Variants in UBE2O observed in about 807,000 individuals in gnomAD.
UBE2O encodes the protein ubiquitin conjugating enzyme E2 O, also known as (E3-independent) E2 ubiquitin-conjugating enzyme.
Under a neutral mutation model 125.8 loss-of-function variants are expected in UBE2O, and 15 were observed. That is an observed-to-expected ratio of 0.12 (90% CI 0.08 to 0.18). UBE2O has a LOEUF of 0.18. Ranked by LOEUF, UBE2O falls within the 10% of genes least tolerant of loss-of-function variation. The pLI is 1.00. For synonymous variants in UBE2O, 708 were observed against 703.2 expected, an observed-to-expected ratio of 1.01 and a Z score of -0.11; for missense variants, 1,280 against 1,723.6, an observed-to-expected ratio of 0.74 and a Z score of 4.56.
chr17:76,423,603 A>C (rs74177010), intron 1 of UBE2O, among the ~76,000 whole-genome samples: 3 of 150,320 alleles, frequency 2.0e-5, no homozygotes, highest in Non-Finnish European at 4.4e-5. Flanking sequence ...TGAGGCAGGA[A>C]AATCGCTTGA....
At chr17:76,428,419 T>C (rs1428969177) in intron 1 of UBE2O, among the ~76,000 whole-genome samples, 2 of 152,256 alleles carry the variant, frequency 1.3e-5, no homozygotes, top group African/African-American at 2.4e-5. Context: ...CTGGGAGCCT[T>C]CGTCAACTTC....
rs374073452 is a variant in UBE2O, at chr17:76,402,160, A to G, written c.687-33T>C. ...AGAGAACAGAGGTTTGGTCTCCACC[A>G]GGGGACACAGTGAGTACCAAAAAGT... On this transcript the variant is annotated intron_variant, in intron 4 of 17. Coordinates refer to ENST00000319380, the MANE Select transcript of UBE2O (RefSeq NM_022066.4). This position sits in a 1 kb window ranked among gnomAD's most constrained non-coding sequence, Gnocchi z 5.4. The G allele has an allele frequency of 1.7e-4, 270 of 1,608,436 alleles. No individual in the cohort carries two copies. The highest frequency in any genetic ancestry group is 2.1e-4 in the Non-Finnish European group (248 of 1,177,286).
Position 76,401,065 on chromosome 17 carries a change from T to C in UBE2O, c.840A>G (p.Ser280=). ...AKIFSSVQWL[S]GVKPVLSTKS... is the part of the protein sequence containing the mutation. ...TGGTGCTGAGCACGGGCTTGACACC[T>C]GACAGCCACTGGACGCTGGAGAAGA... Residue 280 remains serine (S), a synonymous_variant, in exon 6 of 18, where the codon TCA becomes TCG. Coordinates refer to ENST00000319380, the MANE Select transcript of UBE2O (RefSeq NM_022066.4). The C allele has an allele frequency of 6.2e-6, 10 of 1,613,802 alleles. No individual in the cohort carries two copies. Among genetic ancestry groups the C allele is most frequent in the South Asian group, 1.1e-5 (1 of 91,086 alleles).
Position 76,391,093 on chromosome 17 carries a change from G to A in UBE2O, c.3729C>T (p.Ser1243=), listed in dbSNP as rs1054540164. ...KPKKRRKSYR[S]FLPEKSGYPD... ...GGTAGCCACTCTTCTCAGGTAAGAA[G>A]CTCCGGTAGCTCTTTCTCCGCTTCT... The change falls in exon 18 of 18, where the codon AGC becomes AGT. Residue 1243 remains serine (S), a synonymous_variant. Coordinates refer to ENST00000319380, the MANE Select transcript of UBE2O (RefSeq NM_022066.4). This position sits in a 1 kb window ranked among gnomAD's most constrained non-coding sequence, Gnocchi z 8.4. 1.2e-5 allele frequency: 20 copies of A among 1,614,038 alleles called. No individual in the cohort carries two copies. Among genetic ancestry groups the A allele is most frequent in the Non-Finnish European group, 1.7e-5 (20 of 1,180,044 alleles).
chr17:76,392,249 C>A (rs1006645842), intron 15 of UBE2O, 136 bp from the exon 16 acceptor site: 4 of 537,512 alleles, frequency 7.4e-6, no homozygotes, highest in Non-Finnish European at 1.3e-5. Flanking sequence ...ACCTGGGACT[C>A]CAGATGCCAC....
chr17:76,396,305 TCTC>T lies in UBE2O; in HGVS notation c.2629_2631del (p.Glu877del). 1.9e-6 allele frequency: 3 copies of T among 1,614,124 alleles called. No homozygotes were observed. The highest frequency in any genetic ancestry group is 2.5e-6 in the Non-Finnish European group (3 of 1,180,018). ...TCTACGTCGGGCACTGCTTCCATCT[TCTC>T]CTCCTCTACAATGGCCACATTGTCC... On this transcript the variant is annotated inframe_deletion, in exon 14 of 18. Transcript: ENST00000319380. The surrounding 1 kb of genome is among the most constrained non-coding windows in gnomAD (Gnocchi z 6.7).
At chr17:76,416,405 C>A (rs944781250) in intron 1 of UBE2O, among the ~76,000 whole-genome samples, 1 of 152,248 alleles carries the variant, frequency 6.6e-6, no homozygotes, top group South Asian at 2.1e-4. Context: ...GCACACCCCC[C>A]AGAGAAACAG....
intron 15 of UBE2O, among the ~76,000 whole-genome samples, chr17:76,394,557 C>T (rs961418343): frequency 2.0e-5 from 3 of 152,188 alleles, no homozygotes; most frequent in African/African-American, 7.2e-5. Context: ...ATGATGTGTA[C>T]GACGACATAT....
rs775998140 is a variant in UBE2O, at chr17:76,399,362, C to T, written c.1628+87G>A. The T allele has an allele frequency of 1.1e-5, 15 of 1,320,112 alleles. No homozygotes were observed. Among genetic ancestry groups the T allele is most frequent in the Non-Finnish European group, 1.5e-5 (14 of 937,942 alleles). The allele number at this position is 1,320,112 out of a possible 1,614,324, so 81.8% of individuals were successfully genotyped here. A position where few individuals can be genotyped will look rare whatever the true frequency, so the allele number is the denominator to read the frequency against. On this transcript the variant is annotated intron_variant, in intron 9 of 17. Coordinates refer to ENST00000319380, the MANE Select transcript of UBE2O (RefSeq NM_022066.4). The surrounding 1 kb of genome is among the most constrained non-coding windows in gnomAD (Gnocchi z 6.9). Reference sequence around the variant, plus strand: ...TACAAGGCATGCAGAGGTGTGTGTGCGAGCGCAGGCACGCACACCGAGGGG... The same window carrying T: ...TACAAGGCATGCAGAGGTGTGTGTGTGAGCGCAGGCACGCACACCGAGGGG...
chr17:76,398,919 G>T lies in UBE2O; in HGVS notation c.1701C>A (p.Asn567Lys), dbSNP rs759625121. 2.5e-6 allele frequency: 4 copies of T among 1,614,176 alleles called. No individual in the cohort carries two copies. The highest frequency in any genetic ancestry group is 3.4e-6 in the Non-Finnish European group (4 of 1,180,034). Reference protein sequence around the residue: ...VMWQDGSVECNIRSNDLFPVH... With the variant: ...VMWQDGSVECKIRSNDLFPVH... ...CAGGGAAGAGGTCGTTGGAGCGGATGTTGCATTCCACGGAGCCATCCTGCC... is the reference window on the plus strand; with the variant it reads ...CAGGGAAGAGGTCGTTGGAGCGGATTTTGCATTCCACGGAGCCATCCTGCC... The change falls in exon 10 of 18, where the codon AAC (asparagine) becomes AAA (lysine). Residue 567 changes from asparagine (N) to lysine (K), a missense_variant. This residue lies in a region of UBE2O where 145 missense variants were observed against 219.6 expected (regional missense o/e 0.66). Transcript: ENST00000319380. This position sits in a 1 kb window ranked among gnomAD's most constrained non-coding sequence, Gnocchi z 5.4.
intron 1 of UBE2O, chr17:76,430,943 C>G (rs2072897062): frequency 2.7e-6 from 1 of 363,846 alleles, no homozygotes; most frequent in South Asian, 2.2e-5. Context: ...GTACATCTGC[C>G]TAGATTCCTT....
chr17:76,450,082 C>CAA (rs59424179), intron 1 of UBE2O, among the ~76,000 whole-genome samples: 2,763 of 140,246 alleles, frequency 0.02, 52 homozygotes, highest in African/African-American at 0.046. Flanking sequence ...ACCAGTAACT[C>CAA]AAAAAAAAAA....
chr17:76,435,740 C>T (rs1482372587), intron 1 of UBE2O, among the ~76,000 whole-genome samples: 11 of 152,220 alleles, frequency 7.2e-5, no homozygotes, highest in Non-Finnish European at 1.5e-5. Flanking sequence ...CCTTCTCTGG[C>T]TCACCTAACG....
Position 76,400,486 on chromosome 17 carries a change from C to T in UBE2O, c.959G>A (p.Ser320Asn), listed in dbSNP as rs751583769. 5 of 1,613,268 alleles carry T rather than the reference C, an allele frequency of 3.1e-6. No homozygotes were observed. The African/African-American group carries it at 5.3e-5, about 17-fold the overall frequency. The change falls in exon 7 of 18, where the codon AGC becomes AAC. Residue 320 changes from serine to asparagine, a missense_variant. Physicochemically the swap from Ser to Asn is conservative, Grantham distance 46. Coordinates refer to ENST00000319380, the MANE Select transcript of UBE2O (RefSeq NM_022066.4). The surrounding 1 kb of genome is among the most constrained non-coding windows in gnomAD (Gnocchi z 4.3). The part of the protein sequence containing the change: ...TKSFCPGGTD[S>N]VSPPPSVITQ... ...GATGACAGAGGGTGGGGGGCTGACGCTGTCCGTGCCCCCTGGACAGAAACT... is the reference window on the plus strand; with the variant it reads ...GATGACAGAGGGTGGGGGGCTGACGTTGTCCGTGCCCCCTGGACAGAAACT...
At position 76,452,654 on chromosome 17, in the gene UBE2O, C is replaced by T. The variant is rs2073273376; in HGVS notation, c.417+71G>A. ...CCGCTCCGGGCAGGGCCCTGCACGC[C>T]GTCCTTCCCTGGCCTCGGCCCGGCC... On this transcript the variant is annotated intron_variant, in intron 1 of 17. Coordinates refer to ENST00000319380, the MANE Select transcript of UBE2O (RefSeq NM_022066.4). This position sits in a 1 kb window ranked among gnomAD's most constrained non-coding sequence, Gnocchi z 4.4. 7.6e-7 allele frequency: 1 copy of T among 1,308,492 alleles called. No homozygotes were observed. The highest frequency in any genetic ancestry group is 2.1e-5 in the South Asian group (1 of 47,844). 81.1% of individuals were successfully genotyped at this position (1,308,492 alleles called of 1,614,324 possible).
intron 1 of UBE2O, among the ~76,000 whole-genome samples, chr17:76,450,513 T>C (rs1021117043): frequency 2.6e-5 from 4 of 151,942 alleles, no homozygotes; most frequent in Non-Finnish European, 5.9e-5. Flanking sequence ...GATGCTACAA[T>C]GACAAAATAC....
rs1033179713 is a variant in UBE2O at position 76,395,652 on chromosome 17, C to T, written c.2946+73G>A. 14 of 1,538,734 alleles carry T rather than the reference C, an allele frequency of 9.1e-6. No homozygotes were observed. In the South Asian group the frequency reaches 1.6e-4, roughly 18 times the overall value. Reference sequence around the variant, plus strand: ...AGTCAGCCCCGGAGGTTTGGGGACCCAAGGTTGGTGGCCTCTTGGGCACTG... The same window carrying T: ...AGTCAGCCCCGGAGGTTTGGGGACCTAAGGTTGGTGGCCTCTTGGGCACTG... On this transcript the variant is annotated intron_variant, in intron 15 of 17. Transcript: ENST00000319380. The surrounding 1 kb of genome is among the most constrained non-coding windows in gnomAD (Gnocchi z 5.0).
At chr17:76,420,436 G>T (rs115768156) in intron 1 of UBE2O, among the ~76,000 whole-genome samples, 2,248 of 152,190 alleles carry the variant, frequency 0.015, 26 homozygotes, top group African/African-American at 0.021. Context: ...TGTGATTTTA[G>T]ATCAATCCCA....
In UBE2O at chr17:76,399,784, G is replaced by C. The variant is rs1445380769; in HGVS notation, c.1293C>G (p.Ser431Arg). The C allele has an allele frequency of 1.9e-6, 3 of 1,614,218 alleles. No individual in the cohort carries two copies. In the South Asian group the frequency reaches 3.3e-5, roughly 18 times the overall value. ...SKTKSEAESA[S>R]PEETPDGSAS... ...CAGAGCCATCGGGCGTCTCCTCAGGGCTGGCAGACTCCGCTTCGCTCTTGG... is the reference window on the plus strand; with the variant it reads ...CAGAGCCATCGGGCGTCTCCTCAGGCCTGGCAGACTCCGCTTCGCTCTTGG... Residue 431 changes from serine to arginine, a missense_variant, in exon 9 of 18, where the codon AGC becomes AGG. By Grantham distance (110) the Ser-to-Arg change is moderately radical. Transcript: ENST00000319380. The surrounding 1 kb of genome is among the most constrained non-coding windows in gnomAD (Gnocchi z 6.9).
Sources: allele counts gnomAD v4.1 joint callset (sites outside exome capture counted in the v4.1 genomes callset), GRCh38; gene constraint gnomAD v4.1.1; regional missense constraint gnomAD v4.1.1; non-coding constraint Gnocchi (gnomAD v3.1); transcripts MANE v1.5; gene names NCBI Gene and HGNC (gene_info 2026-07-23, HGNC 2026-07-21).